Variants in ABI2 observed in about 807,000 individuals in gnomAD.
The protein encoded by ABI2 is abelson interactor 2.
In ABI2, 25 loss-of-function variants were observed where a neutral mutation model predicts 59.2. That is an observed-to-expected ratio of 0.42 (90% CI 0.31 to 0.59). ABI2 has a LOEUF of 0.59. ABI2 is among the 20% of genes least tolerant of loss of function. The pLI is 0.14. For synonymous variants in ABI2, 213 were observed against 235.5 expected (o/e 0.90, Z 0.87); for missense variants, 545 against 681.8 (o/e 0.80, Z 2.23).
chr2:203,334,243 A>G (rs940533651), intron 1 of ABI2, among the ~76,000 whole-genome samples: 1 of 151,948 alleles, frequency 6.6e-6, no homozygotes, highest in Non-Finnish European at 1.5e-5. Flanking sequence ...GCCCAGCCTC[A>G]TTTACTTTTT....
intron 1 of ABI2, among the ~76,000 whole-genome samples, chr2:203,345,616 C>T (rs983413304): frequency 6.6e-6 from 1 of 152,018 alleles, no homozygotes. Context: ...ACCGTCTTGG[C>T]CAGTCTGGTC....
intron 3 of ABI2, among the ~76,000 whole-genome samples, chr2:203,381,570 A>G (rs1163883377): frequency 6.6e-6 from 1 of 152,240 alleles, no homozygotes; most frequent in Non-Finnish European, 1.5e-5. Context: ...CCTGCCCAAT[A>G]TTTAATTTTA....
At position 203,349,770 on chromosome 2, in the gene ABI2, T is replaced by C. The variant is rs2086462644; in HGVS notation, c.118-17107T>C. On this transcript the variant is annotated intron_variant, in intron 1 of 11. Coordinates refer to ENST00000261018, the MANE Select transcript of ABI2 (RefSeq NM_001375670.1). ...AGTACATGGATAATACCACATTTTG[T>C]TTACCCATTTGTCAGTTGATTGACA... Among the ~76,000 whole-genome samples, 5 of 152,196 alleles carry C rather than the reference T, an allele frequency of 3.3e-5. No individual in the cohort carries two copies. In the South Asian group the frequency reaches 1.0e-3, roughly 32 times the overall value.
At chr2:203,348,861 A>AT (rs1416570675) in intron 1 of ABI2, among the ~76,000 whole-genome samples, 2 of 151,994 alleles carry the variant, frequency 1.3e-5, no homozygotes, top group Non-Finnish European at 2.9e-5. Context: ...TTAATTAAAA[A>AT]TTTTTTTAAA....
At chr2:203,418,253 T>A (rs2097998543) in intron 11 of ABI2, among the ~76,000 whole-genome samples, 1 of 152,242 alleles carries the variant, frequency 6.6e-6, no homozygotes, top group Non-Finnish European at 1.5e-5. Flanking sequence ...CTATATTAGT[T>A]GTGTATTGCT....
intron 1 of ABI2, among the ~76,000 whole-genome samples, chr2:203,344,282 C>T (rs907531634): frequency 3.9e-5 from 6 of 151,984 alleles, no homozygotes; most frequent in Admixed American, 1.3e-4. Context: ...ATAATAAAAC[C>T]CCAACAATGC....
At chr2:203,342,181 G>C (rs1174852041) in intron 1 of ABI2, 6 of 453,136 alleles carry the variant, frequency 1.3e-5, no homozygotes, top group East Asian at 7.0e-5. Context: ...TTTCCTTCCT[G>C]GTCGTTCAAA....
chr2:203,395,687 A>G lies in ABI2; in HGVS notation c.757A>G (p.Ser253Gly), dbSNP rs746200396. 1 of 1,612,438 alleles carries G rather than the reference A, an allele frequency of 6.2e-7. No individual in the cohort carries two copies. Among genetic ancestry groups the G allele is most frequent in the South Asian group, 1.1e-5 (1 of 90,736 alleles). Residue 253 changes from serine to glycine, a missense_variant, in exon 7 of 12, where the codon AGT becomes GGT. Ser to Gly is a moderately conservative substitution (Grantham distance 56). Transcript: ENST00000261018. ...SSGSSGGSHPSSRSSSRENSG... is the reference protein window; with the variant it reads ...SSGSSGGSHPGSRSSSRENSG... Reference sequence around the variant, plus strand: ...TGGGAGTAGTGGAGGGAGCCACCCAAGTAGTCGGAGCAGCAGTCGAGAGAA... The same window carrying G: ...TGGGAGTAGTGGAGGGAGCCACCCAGGTAGTCGGAGCAGCAGTCGAGAGAA...
chr2:203,374,861 A>C, intron 2 of ABI2: 1 of 455,286 alleles, frequency 2.2e-6, no homozygotes, highest in Non-Finnish European at 4.4e-6. Flanking sequence ...AGGTAGTGCT[A>C]TCCAGTACAG....
At chr2:203,385,334 T>A (rs2096453743) in intron 4 of ABI2, among the ~76,000 whole-genome samples, 1 of 151,198 alleles carries the variant, frequency 6.6e-6, no homozygotes, top group Admixed American at 6.6e-5. Context: ...GGTTTCACCG[T>A]GTTAGCCAGG....
chr2:203,354,981 A>G (rs1291631506), intron 1 of ABI2, among the ~76,000 whole-genome samples: 2 of 152,206 alleles, frequency 1.3e-5, no homozygotes, highest in Non-Finnish European at 2.9e-5. Flanking sequence ...CCTCCCCACA[A>G]GAAGACATAA....
intron 1 of ABI2, among the ~76,000 whole-genome samples, chr2:203,329,873 A>C (rs2071775101): frequency 1.3e-5 from 2 of 151,910 alleles, no homozygotes; most frequent in South Asian, 2.1e-4. Context: ...AGTAGCTGGG[A>C]CTACAGGCGC....
chr2:203,413,018 G>A (rs944766132), intron 10 of ABI2, among the ~76,000 whole-genome samples: 6 of 152,124 alleles, frequency 3.9e-5, no homozygotes, highest in Admixed American at 3.3e-4. Context: ...GATTAATGAT[G>A]GTAGTCACTT....
intron 9 of ABI2, among the ~76,000 whole-genome samples, chr2:203,409,213 G>C (rs1049531620): frequency 5.9e-5 from 9 of 152,110 alleles, no homozygotes; most frequent in African/African-American, 2.2e-4. Context: ...GTTGTTGTAA[G>C]CCTCTGAGTG....
rs184727558 is a variant in ABI2, at chr2:203,421,603, T to G, written c.1453+4522T>G. ...GAAGGACAAAAAGGATATAAAAACT[T>G]TTATGACTGCTTGACTGAAGGTATG... is the stretch of plus-strand genomic sequence containing the variant. On this transcript the variant is annotated intron_variant, in intron 11 of 11. Coordinates refer to ENST00000261018, the MANE Select transcript of ABI2 (RefSeq NM_001375670.1). 4.6e-3 allele frequency among the ~76,000 whole-genome samples: 694 copies of G among 152,272 alleles called. 10 individuals are homozygous for G. Among genetic ancestry groups the G allele is most frequent in the African/African-American group, 0.016 (659 of 41,556 alleles).
intron 5 of ABI2, among the ~76,000 whole-genome samples, chr2:203,391,771 T>G (rs2096749393): frequency 6.8e-6 from 1 of 146,402 alleles, no homozygotes; most frequent in Non-Finnish European, 1.5e-5. Flanking sequence ...CAGTGAGCCG[T>G]GATCATGCCA....
At chr2:203,338,515 A>G (rs2077475848) in intron 1 of ABI2, among the ~76,000 whole-genome samples, 1 of 152,014 alleles carries the variant, frequency 6.6e-6, no homozygotes. Flanking sequence ...CCCCCCCACC[A>G]TGTGACATGC....
Position 203,396,858 on chromosome 2 carries a change from T to C in ABI2, c.924T>C (p.Ala308=), listed in dbSNP as rs1196560488. 4 of 1,535,174 alleles carry C rather than the reference T, an allele frequency of 2.6e-6. No homozygotes were observed. The Admixed American group carries it at 5.9e-5, about 23-fold the overall frequency. The change falls in exon 8 of 12, where the codon GCT becomes GCC. Residue 308 remains alanine, a synonymous_variant. Coordinates refer to ENST00000261018, the MANE Select transcript of ABI2 (RefSeq NM_001375670.1). Reference sequence around the variant, plus strand: ...CTGCCCCTGCTCCTCTTGTTCCTGCTACTGTCCCTTCCTCCACTGCCCCAG... The same window carrying C: ...CTGCCCCTGCTCCTCTTGTTCCTGCCACTGTCCCTTCCTCCACTGCCCCAG... ...SASAPAPLVP[A]TVPSSTAPDA...
intron 1 of ABI2, among the ~76,000 whole-genome samples, chr2:203,333,869 T>C (rs1163891373): frequency 6.6e-6 from 1 of 152,194 alleles, no homozygotes; most frequent in Non-Finnish European, 1.5e-5. Flanking sequence ...AAGAGCTTCC[T>C]GGTTCAAAAT....
Sources: gnomAD v4.1 joint callset for allele counts (sites outside exome capture counted in the v4.1 genomes callset) on GRCh38, gnomAD v4.1.1 for gene constraint, MANE v1.5 for transcripts, NCBI Gene and HGNC (gene_info 2026-07-23, HGNC 2026-07-21) for gene names.